PAG1: variants seen among roughly 807,000 people sequenced by gnomAD.
The protein encoded by PAG1 is phosphoprotein associated with glycosphingolipid-enriched microdomains 1.
Under a neutral mutation model 31.7 loss-of-function variants are expected in PAG1, and 23 were observed. That is an observed-to-expected ratio of 0.73 (90% CI 0.52 to 1.03). The LOEUF (loss-of-function observed/expected upper bound fraction) is 1.03, where lower values mean the gene tolerates loss of function less well. Ranked by LOEUF, PAG1 falls within the 50% of genes least tolerant of loss-of-function variation. The probability of loss-of-function intolerance (pLI) is 0.00; values close to 1 mark genes in which losing one functional copy is unlikely to be tolerated. For missense variants in PAG1, 473 were observed against 540.7 expected, an observed-to-expected ratio of 0.87 and a Z score of 1.24; for synonymous variants, 214 against 210.3, an observed-to-expected ratio of 1.02 and a Z score of -0.15.
chr8:80,994,535 G>A (rs371745441), intron 3 of PAG1, among the ~76,000 whole-genome samples: 1 of 152,168 alleles, frequency 6.6e-6, no homozygotes, highest in Non-Finnish European at 1.5e-5. Context: ...CCAGCAGAGC[G>A]GTGACTTCCC....
intron 2 of PAG1, among the ~76,000 whole-genome samples, chr8:81,034,562 T>A (rs1808431819): frequency 6.6e-6 from 1 of 152,188 alleles, no homozygotes; most frequent in African/African-American, 2.4e-5. Context: ...CCTGCCACAA[T>A]AAAGGGCTTC....
At chr8:81,065,542 T>C (rs931314872) in intron 2 of PAG1, among the ~76,000 whole-genome samples, 19 of 152,152 alleles carry the variant, frequency 1.2e-4, no homozygotes, top group Non-Finnish European at 2.6e-4. Flanking sequence ...ATAATGAAAC[T>C]AGCTTTTACG....
chr8:80,979,245 T>G (rs1442375969), intron 8 of PAG1, among the ~76,000 whole-genome samples: 1 of 152,192 alleles, frequency 6.6e-6, no homozygotes, highest in African/African-American at 2.4e-5. Context: ...CTCCTATATA[T>G]TTTACCTTCT....
intron 1 of PAG1, among the ~76,000 whole-genome samples, chr8:81,089,476 A>G (rs1298600723): frequency 5.9e-5 from 9 of 152,198 alleles, no homozygotes; most frequent in South Asian, 4.1e-4. Flanking sequence ...GCTGAGGCAG[A>G]AGAATGGCGT....
At chr8:81,079,908 A>AAAG (rs1809238126) in intron 1 of PAG1, among the ~76,000 whole-genome samples, 1 of 151,994 alleles carries the variant, frequency 6.6e-6, no homozygotes, top group Admixed American at 6.6e-5. Flanking sequence ...AGCTGGGACT[A>AAAG]AAGGCACATA....
chr8:80,982,129 G>A (rs1258996583), intron 7 of PAG1, among the ~76,000 whole-genome samples: 1 of 152,126 alleles, frequency 6.6e-6, no homozygotes, highest in East Asian at 1.9e-4. Context: ...GCCTCCCAAA[G>A]TGTTACGATT....
chr8:81,034,983 C>A (rs917172131), intron 2 of PAG1, among the ~76,000 whole-genome samples: 5 of 152,064 alleles, frequency 3.3e-5, no homozygotes, highest in African/African-American at 1.2e-4. Context: ...CCAAGCACAA[C>A]CTCCAAGGAA....
chr8:81,048,000 GA>G (rs1405822910), intron 2 of PAG1, among the ~76,000 whole-genome samples: 1 of 152,124 alleles, frequency 6.6e-6, no homozygotes, highest in African/African-American at 2.4e-5. Context: ...CACCATTTCC[GA>G]AAGCTCCTTG....
chr8:81,013,296 T>C (rs1419826379), intron 3 of PAG1, among the ~76,000 whole-genome samples: 1 of 152,214 alleles, frequency 6.6e-6, no homozygotes, highest in Non-Finnish European at 1.5e-5. Flanking sequence ...TCCCATCAGG[T>C]TGCCATGATC....
chr8:81,109,442 G>C (rs892913258), intron 1 of PAG1, among the ~76,000 whole-genome samples: 1 of 152,166 alleles, frequency 6.6e-6, no homozygotes, highest in Admixed American at 6.5e-5. Flanking sequence ...CTCTAAAGTA[G>C]AGATGAAGCC....
At chr8:81,064,818 C>G (rs771944538) in intron 2 of PAG1, among the ~76,000 whole-genome samples, 1 of 152,218 alleles carries the variant, frequency 6.6e-6, no homozygotes, top group African/African-American at 2.4e-5. Context: ...AAGACACTGA[C>G]ATGCCACCAG....
chr8:81,026,190 T>C (rs1563634052), intron 3 of PAG1, among the ~76,000 whole-genome samples: 2 of 151,872 alleles, frequency 1.3e-5, no homozygotes, highest in Admixed American at 1.3e-4. Flanking sequence ...AGGTACAATA[T>C]GAGTGTTTGT....
At chr8:81,104,386 CTTT>C (rs34291180) in intron 1 of PAG1, among the ~76,000 whole-genome samples, 25 of 138,212 alleles carry the variant, frequency 1.8e-4, no homozygotes, top group South Asian at 2.4e-4. Context: ...GGCCTTCGTC[CTTT>C]TTTTTTTTTT....
rs1807061102 is a variant in PAG1, at chr8:80,970,773, T to C, written c.*5771A>G. On this transcript the variant is annotated 3_prime_UTR_variant, in exon 9 of 9. Coordinates refer to ENST00000220597, the MANE Select transcript of PAG1 (RefSeq NM_018440.4). ...CAAATAGCACCAGCATCTGCCGCCC[T>C]AGGTGGACCTGTGGCCTCATCTTGG... is the stretch of plus-strand genomic sequence containing the variant. The C allele has an allele frequency of 6.5e-6, 1 of 153,172 alleles. No homozygotes were observed. Among genetic ancestry groups the C allele is most frequent in the African/African-American group, 2.4e-5 (1 of 41,472 alleles). The allele number at this position is 153,172 out of a possible 1,614,324, so 9.5% of individuals were successfully genotyped here.
intron 6 of PAG1, among the ~76,000 whole-genome samples, chr8:80,986,923 C>T (rs1014871464): frequency 3.9e-5 from 6 of 152,120 alleles, no homozygotes; most frequent in African/African-American, 1.4e-4. Context: ...CAGTGAGACC[C>T]ATTTCAGACT....
At chr8:80,983,786 G>A (rs1231011223) in intron 7 of PAG1, among the ~76,000 whole-genome samples, 2 of 152,164 alleles carry the variant, frequency 1.3e-5, no homozygotes, top group African/African-American at 4.8e-5. Context: ...TTGGTTCTAT[G>A]AAGGGCAAAA....
At chr8:80,998,533 T>C (rs1056134103) in intron 3 of PAG1, among the ~76,000 whole-genome samples, 1 of 152,080 alleles carries the variant, frequency 6.6e-6, no homozygotes, top group African/African-American at 2.4e-5. Context: ...TGCCTTATGC[T>C]TGGCATTTGA....
intron 1 of PAG1, among the ~76,000 whole-genome samples, chr8:81,094,520 T>A (rs550256325): frequency 1.1e-4 from 16 of 152,320 alleles, no homozygotes; most frequent in African/African-American, 3.9e-4. Flanking sequence ...TCTAGGTCTA[T>A]GGGTGATAAA....
chr8:81,028,054 C>G (rs1314725630), intron 3 of PAG1, among the ~76,000 whole-genome samples: 1 of 152,148 alleles, frequency 6.6e-6, no homozygotes, highest in African/African-American at 2.4e-5. Context: ...CTCACACTGT[C>G]TGTGAACACA....
Sources: gnomAD v4.1 joint callset for allele counts (sites outside exome capture counted in the v4.1 genomes callset) on GRCh38, gnomAD v4.1.1 for gene constraint, MANE v1.5 for transcripts, NCBI Gene and HGNC (gene_info 2026-07-23, HGNC 2026-07-21) for gene names.